Variants in UGT1A8 observed in about 807,000 individuals in gnomAD.
UGT1A8 encodes UDP-glucuronosyltransferase 1A8.
UGT1A8 carries 39 observed loss-of-function variants against 45.3 expected under a neutral mutation model. The ratio of observed to expected loss-of-function variants is 0.86; its 90% CI spans 0.67 to 1.12. The LOEUF (loss-of-function observed/expected upper bound fraction) is 1.12, where lower values mean the gene tolerates loss of function less well. Ranked by LOEUF, UGT1A8 falls within the 50% of genes most tolerant of loss-of-function variation. The pLI, the probability that UGT1A8 is intolerant of heterozygous loss-of-function variation, is 0.00. For missense variants in UGT1A8, 719 were observed against 664.9 expected, an observed-to-expected ratio of 1.08 and a Z score of -0.90; for synonymous variants, 275 against 249.2, an observed-to-expected ratio of 1.10 and a Z score of -0.97.
intron 1 of UGT1A8, among the ~76,000 whole-genome samples, chr2:233,632,381 G>T (rs994521682): frequency 2.6e-5 from 4 of 152,146 alleles, no homozygotes; most frequent in Non-Finnish European, 5.9e-5. Context: ...GAAAGTCAAT[G>T]GTAGCTTGAT....
chr2:233,630,716 A>T (rs1674384151), intron 1 of UGT1A8, among the ~76,000 whole-genome samples: 1 of 151,774 alleles, frequency 6.6e-6, no homozygotes, highest in Non-Finnish European at 1.5e-5. Flanking sequence ...GATGGCACAT[A>T]CTTTTTTATT....
intron 1 of UGT1A8, among the ~76,000 whole-genome samples, chr2:233,699,007 A>G (rs575733122): frequency 6.6e-6 from 1 of 152,240 alleles, no homozygotes; most frequent in Non-Finnish European, 1.5e-5. Context: ...CTGTAAGAAC[A>G]TGAGAGGCTG....
chr2:233,664,137 A>C (rs6760588), intron 1 of UGT1A8, among the ~76,000 whole-genome samples: 41,828 of 152,050 alleles, frequency 0.28, 6,051 homozygotes, highest in East Asian at 0.52. Context: ...CCTTTGCTCA[A>C]GTTCCAAATA....
intron 1 of UGT1A8, among the ~76,000 whole-genome samples, chr2:233,685,008 C>T (rs982107066): frequency 2.0e-5 from 3 of 152,050 alleles, no homozygotes; most frequent in African/African-American, 7.2e-5. Flanking sequence ...GGTGTTTGTG[C>T]ACGTATGTGT....
At chr2:233,755,012 G>C in intron 1 of UGT1A8, 1 of 1,294,464 alleles carries the variant, frequency 7.7e-7, no homozygotes, top group Non-Finnish European at 1.0e-6. Flanking sequence ...CCTACTCGAA[G>C]GGGTCCTTGA....
chr2:233,637,454 A>G, intron 1 of UGT1A8: 2 of 1,510,746 alleles, frequency 1.3e-6, no homozygotes, highest in Non-Finnish European at 1.8e-6. Flanking sequence ...CTGAACTGTG[A>G]TTTGACATTT....
Position 233,769,174 on chromosome 2 carries a change from G to T in UGT1A8, c.1295+735G>T, listed in dbSNP as rs1699806573. ...ACCTGTGAGAAATTTTGTCCATGGA[G>T]TTTATGAATGAAGGAGCTATAAGAT... On this transcript the variant is annotated intron_variant, in intron 4 of 4. Coordinates refer to ENST00000373450, the MANE Select transcript of UGT1A8 (RefSeq NM_019076.5). This position sits in a 1 kb window ranked among gnomAD's most constrained non-coding sequence, Gnocchi z 4.4. Among the ~76,000 whole-genome samples, 1 of 152,206 alleles carries T rather than the reference G, an allele frequency of 6.6e-6. No individual in the cohort carries two copies. Among genetic ancestry groups the T allele is most frequent in the Non-Finnish European group, 1.5e-5 (1 of 68,044 alleles).
chr2:233,739,074 T>A (rs1271021354), intron 1 of UGT1A8: 1 of 152,242 alleles, frequency 6.6e-6, no homozygotes, highest in Non-Finnish European at 1.5e-5. Flanking sequence ...GGTGCAAACC[T>A]CAAGCCTTGG....
intron 1 of UGT1A8, among the ~76,000 whole-genome samples, chr2:233,710,901 G>C (rs2076153104): frequency 6.6e-6 from 1 of 152,218 alleles, no homozygotes; most frequent in African/African-American, 2.4e-5. Flanking sequence ...GGTTTGGGTG[G>C]AAAGAGGTCT....
At chr2:233,751,260 C>A (rs1187773799) in intron 1 of UGT1A8, among the ~76,000 whole-genome samples, 1 of 151,902 alleles carries the variant, frequency 6.6e-6, no homozygotes, top group Non-Finnish European at 1.5e-5. Context: ...GGGCCTGTAG[C>A]CCCCTTTTTT....
chr2:233,669,407 A>C (rs1356896711), intron 1 of UGT1A8, among the ~76,000 whole-genome samples: 2 of 152,242 alleles, frequency 1.3e-5, no homozygotes, highest in Non-Finnish European at 2.9e-5. Context: ...CAACTAAGGA[A>C]AAATAACATT....
At chr2:233,678,991 T>C (rs945437915) in intron 1 of UGT1A8, among the ~76,000 whole-genome samples, 1 of 152,232 alleles carries the variant, frequency 6.6e-6, no homozygotes, top group Non-Finnish European at 1.5e-5. Context: ...GCTCTTTCTA[T>C]AATAACAGTG....
chr2:233,681,819 T>C (rs1194229419), intron 1 of UGT1A8: 1 of 1,500,972 alleles, frequency 6.7e-7, no homozygotes, highest in African/African-American at 1.4e-5. Context: ...GAATTTTTTT[T>C]TAAATGAATG....
intron 1 of UGT1A8, chr2:233,730,119 C>T (rs1050409403): frequency 6.4e-7 from 1 of 1,553,794 alleles, no homozygotes; most frequent in Non-Finnish European, 8.7e-7. Context: ...TTCTCCTTGT[C>T]ATAATAGCCT....
At chr2:233,690,442 T>C (rs929947496) in intron 1 of UGT1A8, 2 of 1,281,964 alleles carry the variant, frequency 1.6e-6, no homozygotes, top group African/African-American at 3.0e-5. Context: ...GGGTCTCTCC[T>C]CTATTCAAAA....
At chr2:233,759,644 C>A (rs34916116) in intron 1 of UGT1A8, among the ~76,000 whole-genome samples, 5,494 of 124,518 alleles carry the variant, frequency 0.044, 131 homozygotes, top group Non-Finnish European at 0.061. Flanking sequence ...TAGCATGCTT[C>A]ACGATTTCTA....
At chr2:233,621,157 G>A (rs150041217) in intron 1 of UGT1A8, among the ~76,000 whole-genome samples, 12 of 152,264 alleles carry the variant, frequency 7.9e-5, no homozygotes, top group African/African-American at 2.4e-4. Context: ...AAATTTCAAC[G>A]TGAGATTTGG....
intron 1 of UGT1A8, chr2:233,713,425 C>A (rs748267657): frequency 6.2e-7 from 1 of 1,614,122 alleles, no homozygotes; most frequent in Non-Finnish European, 8.5e-7. Context: ...CATGCTACTT[C>A]CTTTGATGTG....
chr2:233,626,448 T>C (rs2073084895), intron 1 of UGT1A8, among the ~76,000 whole-genome samples: 1 of 152,126 alleles, frequency 6.6e-6, no homozygotes, highest in Non-Finnish European at 1.5e-5. Context: ...GATTCATATT[T>C]TGAAACACTT....
Sources: allele counts gnomAD v4.1 joint callset (sites outside exome capture counted in the v4.1 genomes callset), GRCh38; gene constraint gnomAD v4.1.1; non-coding constraint Gnocchi (gnomAD v3.1); transcripts MANE v1.5; gene names NCBI Gene and HGNC (gene_info 2026-07-23, HGNC 2026-07-21).